SYNPO2: variants seen among roughly 807,000 people sequenced by gnomAD.
SYNPO2 encodes the protein synaptopodin-2.
A neutral mutation model predicts 85.0 loss-of-function variants in SYNPO2; 56 were observed. That is an observed-to-expected ratio of 0.66 (90% CI 0.53 to 0.82). The LOEUF is 0.82. SYNPO2 is among the 40% of genes least tolerant of loss of function. The pLI, the probability that SYNPO2 is intolerant of heterozygous loss-of-function variation, is 0.00. For missense variants in SYNPO2, 1,575 were observed against 1,534.2 expected (o/e 1.03, Z -0.44); for synonymous variants, 602 against 591.1 (o/e 1.02, Z -0.27).
At chr4:119,028,649 A>G (rs2149188894) in intron 3 of SYNPO2, among the ~76,000 whole-genome samples, 1 of 152,246 alleles carries the variant, frequency 6.6e-6, no homozygotes, top group East Asian at 1.9e-4. Flanking sequence ...AGAAAATTCG[A>G]TCACCAGTAA....
At chr4:118,891,448 G>A (rs1248049294) in intron 1 of SYNPO2, among the ~76,000 whole-genome samples, 1 of 152,114 alleles carries the variant, frequency 6.6e-6, no homozygotes, top group Non-Finnish European at 1.5e-5. Flanking sequence ...AAATTACTGT[G>A]GCAATGCACA....
At chr4:118,953,816 C>T (rs1341069213) in intron 1 of SYNPO2, among the ~76,000 whole-genome samples, 1 of 152,154 alleles carries the variant, frequency 6.6e-6, no homozygotes, top group Non-Finnish European at 1.5e-5. Context: ...TATTGATGAG[C>T]TCCAGGGAGA....
rs1737981584 is a variant in SYNPO2 at position 119,026,961 on chromosome 4, G to GAGCTGCAACTGTCCCTTTCACAGGA, written c.593_617dup (p.Arg207AlafsTer11). On this transcript the variant is annotated frameshift_variant, in exon 3 of 5. Transcript: ENST00000307142. LOFTEE classifies it high-confidence loss of function. ...AGCGGTACAGCCTGGGCCTGTGGTT[G>GAGCTGCAACTGTCCCTTTCACAGGA]AGCTGCAACTGTCCCTTTCACAGGA... 1 of 1,614,068 alleles carries GAGCTGCAACTGTCCCTTTCACAGGA rather than the reference G, an allele frequency of 6.2e-7. No homozygotes were observed. Among genetic ancestry groups the GAGCTGCAACTGTCCCTTTCACAGGA allele is most frequent in the African/African-American group, 1.3e-5 (1 of 74,926 alleles).
At position 119,058,085 on chromosome 4, in the gene SYNPO2, TG is replaced by T; in HGVS notation, c.*152del. 1.5e-6 allele frequency: 1 copy of T among 665,718 alleles called. No homozygotes were observed. The highest frequency in any genetic ancestry group is 2.0e-5 in the South Asian group (1 of 49,428). 41.2% of individuals were successfully genotyped at this position (665,718 alleles called of 1,614,324 possible). On this transcript the variant is annotated 3_prime_UTR_variant, in exon 5 of 5. Transcript: ENST00000307142. ...ATCTAAGTTTGTGTTTCTGTGTGTG[TG>T]TGTGTGTGTGTATGTATGTGAATAT... is the stretch of plus-strand genomic sequence containing the variant.
chr4:118,871,903 G>A (rs553045790), intron 1 of SYNPO2, among the ~76,000 whole-genome samples: 1 of 152,344 alleles, frequency 6.6e-6, no homozygotes, highest in African/African-American at 2.4e-5. Context: ...CTGGGTCAAA[G>A]CAGCTTTCTG....
intron 1 of SYNPO2, among the ~76,000 whole-genome samples, chr4:118,894,901 T>A (rs1732502557): frequency 6.6e-6 from 1 of 151,844 alleles, no homozygotes; most frequent in Admixed American, 6.6e-5. Flanking sequence ...CCCAGTCAAA[T>A]TTTCATTCAT....
intron 1 of SYNPO2, among the ~76,000 whole-genome samples, chr4:118,852,026 A>G (rs894784259): frequency 9.9e-5 from 15 of 152,224 alleles, no homozygotes; most frequent in African/African-American, 3.4e-4. Context: ...GTTATATTAA[A>G]ATTCATTGGT....
chr4:118,909,265 A>G (rs568620086), intron 1 of SYNPO2, among the ~76,000 whole-genome samples: 3 of 152,382 alleles, frequency 2.0e-5, no homozygotes, highest in South Asian at 4.1e-4. Context: ...ACATACACGT[A>G]GACATCTATT....
intron 1 of SYNPO2, among the ~76,000 whole-genome samples, chr4:118,974,956 C>T (rs894697804): frequency 1.3e-5 from 2 of 152,210 alleles, no homozygotes; most frequent in African/African-American, 4.8e-5. Context: ...TGACTAATCT[C>T]CCTAGAGTGC....
intron 1 of SYNPO2, among the ~76,000 whole-genome samples, chr4:118,983,459 C>A (rs1301982893): frequency 6.6e-6 from 1 of 152,216 alleles, no homozygotes; most frequent in East Asian, 1.9e-4. Context: ...CTACTCATCT[C>A]CAGGTGGCTC....
At chr4:118,887,313 T>A (rs1170367569), upstream of SYNPO2, among the ~76,000 whole-genome samples, 1 of 151,960 alleles carries the variant, frequency 6.6e-6, no homozygotes, top group Non-Finnish European at 1.5e-5. Context: ...ATAAGTGGGT[T>A]GGAGGAGGAA....
intron 4 of SYNPO2, chr4:119,032,929 T>TTCCCC: frequency 3.3e-6 from 3 of 905,318 alleles, no homozygotes; most frequent in Non-Finnish European, 4.0e-6. Context: ...AAAGGTTGAT[T>TTCCCC]CCCACCCTCC....
intron 1 of SYNPO2, among the ~76,000 whole-genome samples, chr4:118,920,581 G>C (rs1003999205): frequency 6.6e-6 from 1 of 152,058 alleles, no homozygotes; most frequent in African/African-American, 2.4e-5. Flanking sequence ...CAGAGGAAAG[G>C]CAATAATTTT....
chr4:118,977,346 C>T (rs541387189), intron 1 of SYNPO2, among the ~76,000 whole-genome samples: 7 of 152,354 alleles, frequency 4.6e-5, no homozygotes, highest in South Asian at 4.1e-4. Flanking sequence ...GCTCCGAGTG[C>T]GGGGCCTGCC....
At chr4:119,007,275 T>TATGTATATACATATATATATAA (rs1737109068) in intron 1 of SYNPO2, among the ~76,000 whole-genome samples, 1 of 89,702 alleles carries the variant, frequency 1.1e-5, no homozygotes, top group African/African-American at 5.3e-5. Context: ...TATATATATA[T>TATGTATATACATATATATATAA]GTATATACAT....
At chr4:118,869,266 C>T (rs546613626) in intron 1 of SYNPO2, among the ~76,000 whole-genome samples, 2 of 152,004 alleles carry the variant, frequency 1.3e-5, no homozygotes, top group Non-Finnish European at 2.9e-5. Flanking sequence ...CTATGTTGGT[C>T]AGGCTGGTCT....
At chr4:118,876,671 T>C (rs199797774) in intron 1 of SYNPO2, among the ~76,000 whole-genome samples, 46 of 2,078 alleles carry the variant, frequency 0.022, no homozygotes, top group Admixed American at 0.1. Flanking sequence ...TCCTTTCTCT[T>C]TCTTTCTTTC....
chr4:118,982,781 A>G (rs1190797460), intron 1 of SYNPO2, among the ~76,000 whole-genome samples: 1 of 152,200 alleles, frequency 6.6e-6, no homozygotes, highest in African/African-American at 2.4e-5. Flanking sequence ...AAGGCATTCT[A>G]CATTCTTTCC....
rs1222719858 is a variant in SYNPO2 at position 118,863,619 on chromosome 4, C to CT, written c.12+12689dup. Among the ~76,000 whole-genome samples, 1,036 of 149,434 alleles carry CT rather than the reference C, an allele frequency of 6.9e-3. 10 individuals are homozygous for CT. The highest frequency in any genetic ancestry group is 0.024 in the African/African-American group (962 of 40,820). On this transcript the variant is annotated intron_variant, in intron 1 of 4. Coordinates refer to the SYNPO2 transcript ENST00000610556. Reference sequence around the variant, plus strand: ...AAAATCAACTTTTTGTTTCATTTATCTTTTTTTTTTGAGATAGAGCCTTGC... The same window carrying CT: ...AAAATCAACTTTTTGTTTCATTTATCTTTTTTTTTTTGAGATAGAGCCTTGC...
Sources: gnomAD v4.1 joint callset for allele counts (sites outside exome capture counted in the v4.1 genomes callset) on GRCh38, gnomAD v4.1.1 for gene constraint, MANE v1.5 for transcripts, NCBI Gene and HGNC (gene_info 2026-07-23, HGNC 2026-07-21) for gene names.